Variants in PRKCA observed in about 807,000 individuals in gnomAD.
The protein encoded by PRKCA is protein kinase C alpha, also known as protein kinase C alpha type.
In PRKCA, 27 loss-of-function variants were observed where a neutral mutation model predicts 87.0. The ratio of observed to expected loss-of-function variants is 0.31; its 90% CI spans 0.23 to 0.43. The LOEUF is 0.43. Among genes scored for constraint, PRKCA ranks in the 20% least tolerant of loss-of-function variants. PRKCA has a pLI of 1.00. For synonymous variants in PRKCA, 329 were observed against 311.1 expected (o/e 1.06, Z -0.61); for missense variants, 518 against 852.3 (o/e 0.61, Z 4.88).
At chr17:66,492,770 A>G (rs903612902) in intron 2 of PRKCA, among the ~76,000 whole-genome samples, 1 of 152,214 alleles carries the variant, frequency 6.6e-6, no homozygotes, top group East Asian at 1.9e-4. Flanking sequence ...TGCAATCAAG[A>G]TGCTTTTAGC....
At chr17:66,692,890 G>T (rs1356126220) in intron 8 of PRKCA, among the ~76,000 whole-genome samples, 2 of 152,148 alleles carry the variant, frequency 1.3e-5, no homozygotes, top group Admixed American at 6.5e-5. Context: ...GGTTCGTCCT[G>T]TTGGGAACAG....
At chr17:66,800,501 G>A (rs1975876422) in intron 16 of PRKCA, among the ~76,000 whole-genome samples, 1 of 152,206 alleles carries the variant, frequency 6.6e-6, no homozygotes. Context: ...ACCAGCTTTG[G>A]AATTGGATGT....
intron 2 of PRKCA, among the ~76,000 whole-genome samples, chr17:66,308,275 C>T (rs1348585956): frequency 6.6e-6 from 1 of 152,132 alleles, no homozygotes; most frequent in Non-Finnish European, 1.5e-5. Flanking sequence ...GGGACTTCCT[C>T]TTCATTTTTA....
intron 1 of PRKCA, among the ~76,000 whole-genome samples, chr17:66,305,468 C>T (rs759222271): frequency 3.3e-5 from 5 of 152,182 alleles, no homozygotes; most frequent in Non-Finnish European, 7.3e-5. Flanking sequence ...TCTCTAAAGT[C>T]ATGTACAAGA....
chr17:66,645,372 T>G lies in PRKCA; in HGVS notation c.401-11T>G, dbSNP rs1470698503. 1 of 1,614,160 alleles carries G rather than the reference T, an allele frequency of 6.2e-7. No homozygotes were observed. On this transcript the variant is annotated splice_polypyrimidine_tract_variant and intron_variant, in intron 4 of 16. Transcript: ENST00000413366. ...TATGCCCAGCTCACCCTCTCCTTTC[T>G]TGATTCACAGCCTGCGATATGAACG...
intron 3 of PRKCA, among the ~76,000 whole-genome samples, chr17:66,583,431 A>G (rs896818377): frequency 6.6e-6 from 1 of 152,226 alleles, no homozygotes; most frequent in Non-Finnish European, 1.5e-5. Flanking sequence ...AGTGCTTTGC[A>G]AAATGAATTT....
intron 3 of PRKCA, among the ~76,000 whole-genome samples, chr17:66,619,080 G>C (rs1008016884): frequency 6.7e-6 from 1 of 148,762 alleles, no homozygotes; most frequent in Non-Finnish European, 1.5e-5. Flanking sequence ...AAATCTCATA[G>C]TCTTGGCATT....
At chr17:66,788,811 G>T in intron 15 of PRKCA, 28 bp from the exon 16 acceptor site, 1 of 1,607,148 alleles carries the variant, frequency 6.2e-7, no homozygotes, top group African/African-American at 1.3e-5. Context: ...GACATCCATT[G>T]TTCTCCTTTT....
intron 3 of PRKCA, among the ~76,000 whole-genome samples, chr17:66,562,611 T>G (rs1389433261): frequency 1.3e-5 from 2 of 151,896 alleles, no homozygotes; most frequent in Admixed American, 6.6e-5. Flanking sequence ...GTTGTTGTTG[T>G]TTTTTGGCAG....
chr17:66,798,833 ATGGTGG>A (rs1975777370), intron 16 of PRKCA, among the ~76,000 whole-genome samples: 1 of 2,150 alleles, frequency 4.7e-4, no homozygotes, highest in Non-Finnish European at 9.0e-4. Flanking sequence ...GGTGGTGGTG[ATGGTGG>A]TGGTGGTGGT....
intron 13 of PRKCA, among the ~76,000 whole-genome samples, chr17:66,765,968 A>G (rs1431766877): frequency 6.6e-6 from 1 of 152,208 alleles, no homozygotes; most frequent in Non-Finnish European, 1.5e-5. Flanking sequence ...CTGGTACACA[A>G]CAAGCCAAAG....
At chr17:66,612,813 G>A (rs947075499) in intron 3 of PRKCA, among the ~76,000 whole-genome samples, 10 of 151,932 alleles carry the variant, frequency 6.6e-5, no homozygotes, top group African/African-American at 2.2e-4. Flanking sequence ...TTTTCCAGGG[G>A]AAGAAAACCT....
intron 3 of PRKCA, among the ~76,000 whole-genome samples, chr17:66,614,549 T>C (rs9913645): frequency 0.15 from 22,584 of 152,198 alleles, 1,786 homozygotes; most frequent in Middle Eastern, 0.17. Flanking sequence ...ATGCCAAATA[T>C]ATAAATAACT....
At position 66,672,410 on chromosome 17, in the gene PRKCA, C is replaced by T. The variant is rs1972213605; in HGVS notation, c.530-14701C>T. On this transcript the variant is annotated intron_variant, in intron 5 of 16. Coordinates refer to ENST00000413366, the MANE Select transcript of PRKCA (RefSeq NM_002737.3). ...TTACAGTGTTATTCTTTACTTTTCT[C>T]ACCACTTCTTGATATGGTTTTGGTA... Among the ~76,000 whole-genome samples, 3 of 152,312 alleles carry T rather than the reference C, an allele frequency of 2.0e-5. No homozygotes were observed. The South Asian group carries it at 6.2e-4, about 32-fold the overall frequency.
At chr17:66,366,535 A>G (rs778161122) in intron 2 of PRKCA, among the ~76,000 whole-genome samples, 3 of 152,170 alleles carry the variant, frequency 2.0e-5, no homozygotes, top group Non-Finnish European at 1.5e-5. Flanking sequence ...TAATTGACCT[A>G]TTAGCTGAAT....
At chr17:66,363,848 G>A (rs751370831) in intron 2 of PRKCA, among the ~76,000 whole-genome samples, 5 of 152,102 alleles carry the variant, frequency 3.3e-5, no homozygotes, top group Admixed American at 6.5e-5. Flanking sequence ...GACTACAGGC[G>A]CGTGCCACCA....
intron 3 of PRKCA, among the ~76,000 whole-genome samples, chr17:66,590,871 G>A (rs974463113): frequency 2.0e-5 from 3 of 151,746 alleles, no homozygotes; most frequent in East Asian, 3.9e-4. Context: ...AGTGGATGCC[G>A]GTCCTGAAAT....
At chr17:66,476,348 A>T (rs576838574) in intron 2 of PRKCA, among the ~76,000 whole-genome samples, 17 of 152,350 alleles carry the variant, frequency 1.1e-4, no homozygotes, top group African/African-American at 4.1e-4. Context: ...GCTTGGGGGC[A>T]TGTTGCCTCC....
intron 2 of PRKCA, among the ~76,000 whole-genome samples, chr17:66,459,871 T>A (rs1307149470): frequency 6.6e-6 from 1 of 152,172 alleles, no homozygotes; most frequent in African/African-American, 2.4e-5. Flanking sequence ...AGAAGGGATG[T>A]GGCCTCCCAG....
Sources: allele counts gnomAD v4.1 joint callset (sites outside exome capture counted in the v4.1 genomes callset), GRCh38; gene constraint gnomAD v4.1.1; transcripts MANE v1.5; gene names NCBI Gene and HGNC (gene_info 2026-07-23, HGNC 2026-07-21).